Variants in HFM1 observed in about 807,000 individuals in gnomAD.
The protein encoded by HFM1 is probable ATP-dependent DNA helicase HFM1.
In HFM1, 169 loss-of-function variants were observed where a neutral mutation model predicts 192.1. The observed-to-expected ratio is 0.88, with a 90% CI of 0.78 to 1.00. The LOEUF (loss-of-function observed/expected upper bound fraction) is 1.00, where lower values mean the gene tolerates loss of function less well. HFM1 is among the 50% of genes least tolerant of loss of function. The pLI, the probability that HFM1 is intolerant of heterozygous loss-of-function variation, is 0.00. For synonymous variants in HFM1, 525 were observed against 537.8 expected (o/e 0.98, Z 0.33); for missense variants, 1,661 against 1,668.0 (o/e 1.00, Z 0.07).
At chr1:91,375,481 G>C (rs765377516) in intron 12 of HFM1, 35 bp from the exon 13 acceptor site, 10 of 1,609,492 alleles carry the variant, frequency 6.2e-6, no homozygotes, top group Non-Finnish European at 8.5e-6. Flanking sequence ...TATTAATCAT[G>C]TTAAAAACTG....
chr1:91,297,781 C>T (rs376322), intron 30 of HFM1, among the ~76,000 whole-genome samples: 152,086 of 152,272 alleles, frequency 1, 75,951 homozygotes, highest in Non-Finnish European at 1. Context: ...CACACCAAAA[C>T]CCCATCTGTT....
intron 30 of HFM1, among the ~76,000 whole-genome samples, chr1:91,303,389 C>A (rs1310328456): frequency 6.6e-6 from 1 of 152,246 alleles, no homozygotes; most frequent in African/African-American, 2.4e-5. Context: ...TATGGATATA[C>A]CACATTTTGC....
chr1:91,272,031 C>G (rs944254331), intron 34 of HFM1, among the ~76,000 whole-genome samples: 2 of 151,980 alleles, frequency 1.3e-5, no homozygotes, highest in Non-Finnish European at 2.9e-5. Context: ...TTCTTCTTCC[C>G]TTTTTGAAAT....
At chr1:91,400,896 T>C (rs1664234752) in intron 2 of HFM1, 116 bp downstream of exon 2, 1 of 535,326 alleles carries the variant, frequency 1.9e-6, no homozygotes, top group Non-Finnish European at 3.3e-6. Context: ...TGAAATATCG[T>C]TCTGTTGATT....
intron 30 of HFM1, among the ~76,000 whole-genome samples, chr1:91,311,848 C>T (rs555167808): frequency 6.6e-6 from 1 of 152,244 alleles, no homozygotes; most frequent in East Asian, 1.9e-4. Context: ...GGAAAAAGTG[C>T]TTTCATGGGC....
chr1:91,266,575 T>A (rs1244175122), intron 35 of HFM1, among the ~76,000 whole-genome samples: 1 of 152,202 alleles, frequency 6.6e-6, no homozygotes, highest in Non-Finnish European at 1.5e-5. Context: ...TACATTTTCA[T>A]TCACATAAAT....
At chr1:91,265,565 A>G (rs941379806) in intron 36 of HFM1, among the ~76,000 whole-genome samples, 4 of 152,184 alleles carry the variant, frequency 2.6e-5, no homozygotes, top group Non-Finnish European at 4.4e-5. Flanking sequence ...AGCCCTTACA[A>G]TAAGACTTCA....
intron 30 of HFM1, among the ~76,000 whole-genome samples, chr1:91,302,014 T>G (rs1417050186): frequency 1.1e-5 from 1 of 91,588 alleles, no homozygotes; most frequent in East Asian, 3.1e-4. Flanking sequence ...GGGAGAAAAT[T>G]TTTGCAATCT....
chr1:91,319,542 G>C, intron 23 of HFM1, 152 bp from the exon 24 acceptor site: 2 of 534,428 alleles, frequency 3.7e-6, no homozygotes, highest in Non-Finnish European at 6.6e-6. Flanking sequence ...ATTATTGCAG[G>C]TCAATAATAA....
At chr1:91,375,333 T>C (rs752980063) in intron 13 of HFM1, 25 bp downstream of exon 13, 2 of 1,557,674 alleles carry the variant, frequency 1.3e-6, no homozygotes, top group Non-Finnish European at 1.8e-6. Context: ...TCCTTCTACT[T>C]CCATGAAAAA....
Position 91,319,153 on chromosome 1 carries a change from A to T in HFM1, c.2737T>A (p.Leu913Met). The change falls in exon 25 of 39, where the codon TTG becomes ATG. Residue 913 changes from leucine to methionine, a missense_variant. Transcript: ENST00000370425. Reference protein sequence around the residue: ...EKKFAVLLNSLILAKCFRCKL... With the variant: ...EKKFAVLLNSMILAKCFRCKL... ...CACCTAAAACATTTAGCTAAAATCA[A>T]ACTATTCAATAGTACAGCAAACTTC... 6.2e-7 allele frequency: 1 copy of T among 1,610,946 alleles called. No homozygotes were observed. The highest frequency in any genetic ancestry group is 1.7e-5 in the Admixed American group (1 of 59,398).
chr1:91,291,697 T>A (rs535591054), intron 30 of HFM1, among the ~76,000 whole-genome samples: 1 of 152,176 alleles, frequency 6.6e-6, no homozygotes, highest in Non-Finnish European at 1.5e-5. Context: ...CCCTAACTCA[T>A]TTTATGAGGC....
chr1:91,263,332 G>A (rs1027159525), intron 36 of HFM1, among the ~76,000 whole-genome samples: 1 of 152,296 alleles, frequency 6.6e-6, no homozygotes, highest in Admixed American at 6.5e-5. Flanking sequence ...AAGGAGCAAT[G>A]GGCAGTGTGG....
intron 13 of HFM1, among the ~76,000 whole-genome samples, chr1:91,370,821 T>A (rs967121252): frequency 6.6e-6 from 1 of 152,204 alleles, no homozygotes; most frequent in African/African-American, 2.4e-5. Flanking sequence ...GCAGAAGACA[T>A]GATTGTATAT....
intron 20 of HFM1, among the ~76,000 whole-genome samples, chr1:91,342,121 CAG>C (rs1388509670): frequency 1.1e-5 from 1 of 93,278 alleles, no homozygotes; most frequent in Non-Finnish European, 2.0e-5. Flanking sequence ...CAAAACTTGG[CAG>C]AGACACAATG....
intron 20 of HFM1, 39 bp from the exon 21 acceptor site, chr1:91,324,805 A>G: frequency 9.5e-7 from 1 of 1,049,762 alleles, no homozygotes; most frequent in South Asian, 1.3e-5. Context: ...TCCCCTCATC[A>G]GCTGAACCAA....
intron 20 of HFM1, among the ~76,000 whole-genome samples, chr1:91,337,388 G>A (rs2101591314): frequency 6.6e-6 from 1 of 151,776 alleles, no homozygotes; most frequent in South Asian, 2.1e-4. Flanking sequence ...CAGAATTATA[G>A]GAACATACAA....
chr1:91,316,304 T>A (rs938334467), intron 26 of HFM1, 87 bp downstream of exon 26: 5 of 1,014,984 alleles, frequency 4.9e-6, no homozygotes, highest in Non-Finnish European at 7.3e-6. Context: ...GAAATACTTA[T>A]AACTATGAGA....
chr1:91,297,666 T>TA (rs1343403801), intron 30 of HFM1, among the ~76,000 whole-genome samples: 1 of 152,224 alleles, frequency 6.6e-6, no homozygotes, highest in Non-Finnish European at 1.5e-5. Flanking sequence ...CCGCTGCTGA[T>TA]ACCCAGGAAA....
Sources: allele counts gnomAD v4.1 joint callset (sites outside exome capture counted in the v4.1 genomes callset), GRCh38; gene constraint gnomAD v4.1.1; transcripts MANE v1.5; gene names NCBI Gene and HGNC (gene_info 2026-07-23, HGNC 2026-07-21).